The following YAP1 variants were observed in gnomAD, a reference collection of about 807,000 sequenced individuals.
YAP1 encodes the protein transcriptional coactivator YAP1.
Under a neutral mutation model 56.9 loss-of-function variants are expected in YAP1, and 5 were observed. The ratio of observed to expected loss-of-function variants is 0.09; its 90% CI spans 0.05 to 0.18. The LOEUF is 0.18. YAP1 is among the 10% of genes least tolerant of loss of function. YAP1 has a pLI of 1.00. For missense variants in YAP1, 539 were observed against 651.8 expected (o/e 0.83, Z 1.88); for synonymous variants, 265 against 248.1 (o/e 1.07, Z -0.64).
chr11:102,192,330 T>C (rs1948334888), intron 4 of YAP1, among the ~76,000 whole-genome samples: 1 of 152,226 alleles, frequency 6.6e-6, no homozygotes, highest in Non-Finnish European at 1.5e-5. Flanking sequence ...TAGTGCTTCT[T>C]TAAGTGTTAT....
intron 3 of YAP1, among the ~76,000 whole-genome samples, chr11:102,175,824 T>C (rs1322488825): frequency 6.6e-6 from 1 of 152,172 alleles, no homozygotes; most frequent in Non-Finnish European, 1.5e-5. Context: ...CATCTCTAGG[T>C]GACAGGAATT....
chr11:102,162,691 T>C (rs140893492), intron 3 of YAP1, 120 bp downstream of exon 3: 4 of 924,686 alleles, frequency 4.3e-6, no homozygotes, highest in Non-Finnish European at 5.1e-6. Context: ...TTATTGTCTC[T>C]CCAGTTTCAT....
chr11:102,112,772 A>G, intron 1 of YAP1: 1 of 985,360 alleles, frequency 1.0e-6, no homozygotes, highest in Non-Finnish European at 1.2e-6. Flanking sequence ...TACCCCTCGA[A>G]GTGGGTTTAT....
chr11:102,129,217 C>A (rs1944228355), intron 2 of YAP1, among the ~76,000 whole-genome samples: 1 of 151,860 alleles, frequency 6.6e-6, no homozygotes. Context: ...CCCTAATAGA[C>A]CATTGTTGAT....
At chr11:102,168,719 G>C (rs1176465008) in intron 3 of YAP1, among the ~76,000 whole-genome samples, 1 of 152,168 alleles carries the variant, frequency 6.6e-6, no homozygotes. Context: ...AAAGTGAGTA[G>C]TATAGAGCTG....
intron 2 of YAP1, among the ~76,000 whole-genome samples, chr11:102,160,382 T>TA (rs2135391072): frequency 6.6e-6 from 1 of 152,326 alleles, no homozygotes; most frequent in African/African-American, 2.4e-5. Context: ...GTAAGCATAA[T>TA]ACCGCCATAA....
At chr11:102,206,171 A>G (rs1410793701) in intron 5 of YAP1, 97 bp downstream of exon 5, 2 of 1,430,542 alleles carry the variant, frequency 1.4e-6, no homozygotes, top group Non-Finnish European at 1.9e-6. Context: ...TTACAGAGGA[A>G]TGTTGTCTTT....
intron 3 of YAP1, among the ~76,000 whole-genome samples, chr11:102,172,605 G>C (rs999241024): frequency 6.6e-6 from 1 of 151,752 alleles, no homozygotes; most frequent in Non-Finnish European, 1.5e-5. Context: ...GACTTCTTTA[G>C]GGAGGTTCAT....
intron 5 of YAP1, among the ~76,000 whole-genome samples, chr11:102,208,522 T>G (rs917029199): frequency 3.3e-5 from 5 of 152,192 alleles, no homozygotes; most frequent in Non-Finnish European, 7.3e-5. Flanking sequence ...AAGGAAGCAT[T>G]ATTGTACCTC....
At chr11:102,174,305 C>CT (rs1304180540) in intron 3 of YAP1, among the ~76,000 whole-genome samples, 1 of 151,902 alleles carries the variant, frequency 6.6e-6, no homozygotes, top group Non-Finnish European at 1.5e-5. Flanking sequence ...TTTCTTAAAT[C>CT]TATTATTTAC....
At chr11:102,126,299 G>A (rs1283619817) in intron 2 of YAP1, among the ~76,000 whole-genome samples, 1 of 152,100 alleles carries the variant, frequency 6.6e-6, no homozygotes, top group Non-Finnish European at 1.5e-5. Flanking sequence ...ACTTTTTACT[G>A]AATCCTTGAT....
chr11:102,223,657 G>A lies in YAP1; in HGVS notation c.1068G>A (p.Glu356=). The A allele has an allele frequency of 1.2e-6, 2 of 1,614,156 alleles. No homozygotes were observed. Among genetic ancestry groups the A allele is most frequent in the Non-Finnish European group, 8.5e-7 (1 of 1,180,018 alleles). The change falls in exon 7 of 9, where the codon GAG becomes GAA. Residue 356 remains glutamate, a synonymous_variant. Coordinates refer to ENST00000282441, the MANE Select transcript of YAP1 (RefSeq NM_001130145.3). ...TGCGTAGCCAGTTACCAACACTGGA[G>A]CAGGATGGTGGGACTCAAAATCCAG... ...LALRSQLPTL[E]QDGGTQNPVS...
At chr11:102,169,564 A>G (rs766504960) in intron 3 of YAP1, among the ~76,000 whole-genome samples, 18 of 152,224 alleles carry the variant, frequency 1.2e-4, no homozygotes, top group Non-Finnish European at 2.1e-4. Flanking sequence ...CAATGAAGAG[A>G]TAGTGTATTT....
In YAP1 at chr11:102,111,047, G is replaced by T. The variant is rs200985869; in HGVS notation, c.199G>T (p.Ala67Ser). Reference protein sequence around the residue: ...VRGDSETDLEALFNAVMNPKT... With the variant: ...VRGDSETDLESLFNAVMNPKT... Reference sequence around the variant, plus strand: ...CGGGGACTCGGAGACCGACCTGGAGGCGCTCTTCAACGCCGTCATGAACCC... The same window carrying T: ...CGGGGACTCGGAGACCGACCTGGAGTCGCTCTTCAACGCCGTCATGAACCC... Residue 67 changes from alanine to serine, a missense_variant, in exon 1 of 9, where the codon GCG becomes TCG. By Grantham distance (99) the Ala-to-Ser change is moderately conservative (BLOSUM62 1). Transcript: ENST00000282441. 6.2e-7 allele frequency: 1 copy of T among 1,612,930 alleles called. No individual in the cohort carries two copies. The highest frequency in any genetic ancestry group is 8.5e-7 in the Non-Finnish European group (1 of 1,179,712).
At chr11:102,198,817 GAGT>G (rs1156440163) in intron 4 of YAP1, among the ~76,000 whole-genome samples, 2 of 152,120 alleles carry the variant, frequency 1.3e-5, no homozygotes, top group African/African-American at 4.8e-5. Context: ...GAAATATGTT[GAGT>G]GTTGTATTGA....
At chr11:102,119,420 A>C (rs759153269) in intron 2 of YAP1, among the ~76,000 whole-genome samples, 2 of 152,074 alleles carry the variant, frequency 1.3e-5, no homozygotes, top group Non-Finnish European at 2.9e-5. Context: ...CAAAGAACAG[A>C]CTGTCACTTG....
At chr11:102,175,453 C>T (rs1423381653) in intron 3 of YAP1, among the ~76,000 whole-genome samples, 2 of 152,098 alleles carry the variant, frequency 1.3e-5, no homozygotes, top group Non-Finnish European at 1.5e-5. Context: ...GCCTTTTCTT[C>T]AGTAAATGTT....
chr11:102,135,695 C>A lies in YAP1; in HGVS notation c.572+21301C>A, dbSNP rs549442745. ...TCACCAAGACCAGAATGGATTCAAGCCAAAGGAATTAGACTTCATTTTTCA... is the reference window on the plus strand; with the variant it reads ...TCACCAAGACCAGAATGGATTCAAGACAAAGGAATTAGACTTCATTTTTCA... On this transcript the variant is annotated intron_variant, in intron 2 of 8. Coordinates refer to ENST00000282441, the MANE Select transcript of YAP1 (RefSeq NM_001130145.3). Among the ~76,000 whole-genome samples the A allele has an allele frequency of 1.5e-4, 23 of 151,940 alleles. 1 individual carries two copies. The South Asian group carries it at 4.4e-3, about 29-fold the overall frequency.
intron 4 of YAP1, among the ~76,000 whole-genome samples, chr11:102,193,761 A>C (rs551725396): frequency 6.6e-6 from 1 of 152,280 alleles, no homozygotes; most frequent in East Asian, 1.9e-4. Context: ...CTAATGCCTT[A>C]TTCGTGTTAC....
Sources: gnomAD v4.1 joint callset for allele counts (sites outside exome capture counted in the v4.1 genomes callset) on GRCh38, gnomAD v4.1.1 for gene constraint, MANE v1.5 for transcripts, NCBI Gene and HGNC (gene_info 2026-07-23, HGNC 2026-07-21) for gene names.